The following SCP2 variants were observed in gnomAD, a reference collection of about 807,000 sequenced individuals.
SCP2 encodes the protein SCP-2/3-oxoacyl-CoA thiolase.
Under a neutral mutation model 71.4 loss-of-function variants are expected in SCP2, and 48 were observed. The ratio of observed to expected loss-of-function variants is 0.67; its 90% confidence interval spans 0.53 to 0.86. The LOEUF is 0.86. Ranked by LOEUF, SCP2 falls within the 40% of genes least tolerant of loss-of-function variation. The pLI, the probability that SCP2 is intolerant of heterozygous loss-of-function variation, is 0.00. For missense variants in SCP2, 560 were observed against 655.6 expected, an observed-to-expected ratio of 0.85 and a Z score of 1.59; for synonymous variants, 220 against 218.1, an observed-to-expected ratio of 1.01 and a Z score of -0.08.
intron 11 of SCP2, among the ~76,000 whole-genome samples, chr1:53,008,789 G>T (rs1256744164): frequency 3.3e-5 from 5 of 152,172 alleles, no homozygotes; most frequent in Admixed American, 3.3e-4. Context: ...AGGCAATCAG[G>T]CAGGAGAAAG....
chr1:52,960,480 A>ATGTGTGTGTGTG lies in SCP2; in HGVS notation c.397-995_397-984dup, dbSNP rs71044447. ...CCCACCATGCCTGGCTACTATGTAT[A>ATGTGTGTGTGTG]TGTGTGTGTGTGTGTGTGTGTGTGT... On this transcript the variant is annotated intron_variant, in intron 5 of 15. Coordinates refer to ENST00000371514, the MANE Select transcript of SCP2 (RefSeq NM_002979.5). Among the ~76,000 whole-genome samples, 554 of 139,586 alleles carry ATGTGTGTGTGTG rather than the reference A, an allele frequency of 4.0e-3. 7 individuals carry two copies. The highest frequency in any genetic ancestry group is 0.011 in the Middle Eastern group (3 of 280). The allele number at this position is 139,586 out of a possible 152,430, so 91.6% of individuals were successfully genotyped here. A position where few individuals can be genotyped will look rare whatever the true frequency, so the allele number is the denominator to read the frequency against.
intron 6 of SCP2, among the ~76,000 whole-genome samples, chr1:52,965,777 G>A (rs1656899206): frequency 6.6e-6 from 1 of 151,746 alleles, no homozygotes; most frequent in African/African-American, 2.4e-5. Flanking sequence ...TGGGATTACA[G>A]GTGCGCATCA....
chr1:53,010,768 A>T (rs554659949), intron 11 of SCP2, among the ~76,000 whole-genome samples: 1 of 152,352 alleles, frequency 6.6e-6, no homozygotes, highest in South Asian at 2.1e-4. Flanking sequence ...CCTAGAACTT[A>T]AAGTATAACA....
intron 8 of SCP2, among the ~76,000 whole-genome samples, 188 bp from the exon 9 acceptor site, chr1:52,978,029 G>A (rs1334267933): frequency 6.6e-6 from 1 of 151,838 alleles, no homozygotes; most frequent in African/African-American, 2.4e-5. Flanking sequence ...CAACATTTAA[G>A]TTCTTGATAG....
At chr1:53,035,194 T>C (rs1009064111) in intron 13 of SCP2, among the ~76,000 whole-genome samples, 13 of 151,672 alleles carry the variant, frequency 8.6e-5, no homozygotes, top group Non-Finnish European at 1.8e-4. Flanking sequence ...ATAAAGAAGA[T>C]AGGAAATAAA....
chr1:52,956,058 C>T (rs1655764539), intron 5 of SCP2, among the ~76,000 whole-genome samples: 1 of 152,016 alleles, frequency 6.6e-6, no homozygotes, highest in East Asian at 1.9e-4. Context: ...AATCCCAGCA[C>T]TTTGAGAGGC....
At chr1:52,948,144 A>C in intron 3 of SCP2, 64 bp downstream of exon 3, 1 of 954,736 alleles carries the variant, frequency 1.0e-6, no homozygotes, top group Non-Finnish European at 1.7e-6. Context: ...TATACAAACA[A>C]TGCGGAGGCA....
intron 13 of SCP2, among the ~76,000 whole-genome samples, chr1:53,033,404 A>T (rs1380034001): frequency 1.3e-5 from 2 of 152,062 alleles, no homozygotes; most frequent in Non-Finnish European, 2.9e-5. Flanking sequence ...GGAGTTCAAG[A>T]CCAGCCTGGC....
At chr1:53,017,347 C>A (rs1020052089) in intron 12 of SCP2, among the ~76,000 whole-genome samples, 1 of 152,066 alleles carries the variant, frequency 6.6e-6, no homozygotes, top group Non-Finnish European at 1.5e-5. Context: ...CCTTGTGCAC[C>A]CATGTAGTCA....
At chr1:53,000,037 G>A (rs181028426) in intron 11 of SCP2, among the ~76,000 whole-genome samples, 8 of 151,766 alleles carry the variant, frequency 5.3e-5, no homozygotes, top group Admixed American at 3.3e-4. Context: ...GGCTGGCCTC[G>A]AACTACTGAC....
intron 6 of SCP2, among the ~76,000 whole-genome samples, chr1:52,969,629 C>T (rs1485725504): frequency 1.3e-5 from 2 of 152,116 alleles, no homozygotes; most frequent in Non-Finnish European, 2.9e-5. Context: ...CAAGACCAGC[C>T]TGGCCAACAT....
intron 6 of SCP2, among the ~76,000 whole-genome samples, chr1:52,967,499 C>A (rs1036415862): frequency 6.6e-6 from 1 of 152,040 alleles, no homozygotes; most frequent in African/African-American, 2.4e-5. Context: ...ATGATATTCT[C>A]CTCTTGTCAT....
intron 12 of SCP2, among the ~76,000 whole-genome samples, chr1:53,026,050 A>G (rs954836394): frequency 2.0e-5 from 3 of 152,100 alleles, no homozygotes; most frequent in African/African-American, 4.8e-5. Flanking sequence ...TCTTCCTTTA[A>G]TAAGGTCTTA....
intron 12 of SCP2, among the ~76,000 whole-genome samples, chr1:53,015,613 A>G (rs1334751580): frequency 6.6e-6 from 1 of 152,108 alleles, no homozygotes; most frequent in Non-Finnish European, 1.5e-5. Context: ...CCTCCTGTCA[A>G]AGGCTCAGCT....
intron 3 of SCP2, among the ~76,000 whole-genome samples, chr1:52,949,981 G>A (rs1195533907): frequency 6.6e-6 from 1 of 152,156 alleles, no homozygotes; most frequent in East Asian, 1.9e-4. Flanking sequence ...AGGCACATGT[G>A]TATTTAACAT....
intron 10 of SCP2, among the ~76,000 whole-genome samples, chr1:52,985,579 C>T (rs959591690): frequency 6.6e-6 from 1 of 152,188 alleles, no homozygotes; most frequent in Admixed American, 6.5e-5. Context: ...CTAGAATGTG[C>T]AGCAAATCAG....
At chr1:52,955,263 A>C (rs919691382) in intron 5 of SCP2, among the ~76,000 whole-genome samples, 5 of 152,248 alleles carry the variant, frequency 3.3e-5, no homozygotes, top group African/African-American at 1.2e-4. Flanking sequence ...CAGAGAATTA[A>C]CATCAGCATT....
chr1:53,037,059 C>A (rs1176275201), intron 13 of SCP2, among the ~76,000 whole-genome samples: 1 of 152,088 alleles, frequency 6.6e-6, no homozygotes, highest in Non-Finnish European at 1.5e-5. Context: ...ATCGCTCGAA[C>A]CCAGGAGGCA....
chr1:53,025,604 A>G (rs536532326), intron 12 of SCP2, among the ~76,000 whole-genome samples: 1 of 151,168 alleles, frequency 6.6e-6, no homozygotes, highest in African/African-American at 2.4e-5. Context: ...TCCTCTTTGT[A>G]TCTCCCTCAC....
Sources: allele counts gnomAD v4.1 joint callset (sites outside exome capture counted in the v4.1 genomes callset), GRCh38; gene constraint gnomAD v4.1.1; transcripts MANE v1.5; gene names NCBI Gene and HGNC (gene_info 2026-07-23, HGNC 2026-07-21).